The following WDR49 variants were observed in gnomAD, a reference collection of about 807,000 sequenced individuals.
WDR49 encodes cilia- and flagella-associated protein 337.
In WDR49, 107 loss-of-function variants were observed where a neutral mutation model predicts 119.5. That is an observed-to-expected ratio of 0.90 (90% CI 0.77 to 1.05). The LOEUF (loss-of-function observed/expected upper bound fraction) is 1.05. WDR49 is among the 50% of genes least tolerant of loss of function. WDR49 has a pLI of 0.00. For synonymous variants in WDR49, 425 were observed against 418.8 expected (o/e 1.01, Z -0.18); for missense variants, 1,240 against 1,220.5 (o/e 1.02, Z -0.24).
At chr3:167,516,820 G>A (rs1294692840) in intron 16 of WDR49, among the ~76,000 whole-genome samples, 1 of 152,102 alleles carries the variant, frequency 6.6e-6, no homozygotes, top group African/African-American at 2.4e-5. Flanking sequence ...CTACTAATCT[G>A]ACAAAGGGCT....
At chr3:167,538,488 T>TG (rs925223642) in intron 10 of WDR49, among the ~76,000 whole-genome samples, 3 of 152,166 alleles carry the variant, frequency 2.0e-5, no homozygotes, top group Non-Finnish European at 4.4e-5. Flanking sequence ...AACTACCTCA[T>TG]GGTTGACTTA....
chr3:167,628,918 C>T (rs553020287), intron 2 of WDR49, among the ~76,000 whole-genome samples: 1 of 152,148 alleles, frequency 6.6e-6, no homozygotes, highest in South Asian at 2.1e-4. Context: ...TAAGCTGAAA[C>T]CAATGCTCAT....
intron 10 of WDR49, among the ~76,000 whole-genome samples, chr3:167,538,302 A>G (rs1181893192): frequency 6.6e-6 from 1 of 152,152 alleles, no homozygotes; most frequent in African/African-American, 2.4e-5. Context: ...CCTCCATACC[A>G]GCCCTCTGTC....
upstream of WDR49, among the ~76,000 whole-genome samples, chr3:167,656,587 A>G (rs1449756856): frequency 6.6e-6 from 1 of 152,230 alleles, no homozygotes; most frequent in Non-Finnish European, 1.5e-5. Context: ...TCATTAGTCA[A>G]AACAGGAAAG....
chr3:167,620,415 T>C lies in WDR49; in HGVS notation c.958+14A>G, dbSNP rs761321021. 7.2e-6 allele frequency: 11 copies of C among 1,532,130 alleles called. No homozygotes were observed. In the African/African-American group the frequency reaches 1.1e-4, roughly 15 times the overall value. 94.9% of individuals were successfully genotyped at this position (1,532,130 alleles called of 1,614,324 possible). On this transcript the variant is annotated intron_variant, in intron 5 of 18. Coordinates refer to ENST00000682715, the MANE Select transcript of WDR49 (RefSeq NM_001366157.1). Reference sequence around the variant, plus strand: ...AGGTGACCATTTACTTTCATTACTGTTCAAATTCAATACCTTGCCTGACCC... The same window carrying C: ...AGGTGACCATTTACTTTCATTACTGCTCAAATTCAATACCTTGCCTGACCC...
At chr3:167,567,642 G>C (rs1401277499) in intron 8 of WDR49, among the ~76,000 whole-genome samples, 1 of 152,090 alleles carries the variant, frequency 6.6e-6, no homozygotes, top group Admixed American at 6.6e-5. Flanking sequence ...TTTTCATAAA[G>C]TACCAGTACC....
intron 2 of WDR49, among the ~76,000 whole-genome samples, chr3:167,641,062 C>G (rs149096201): frequency 2.6e-5 from 4 of 151,834 alleles, no homozygotes; most frequent in African/African-American, 9.7e-5. Context: ...ATGTGTTAAT[C>G]TGATAGAGAA....
intron 7 of WDR49, among the ~76,000 whole-genome samples, chr3:167,591,820 T>C (rs1461512358): frequency 3.9e-5 from 6 of 152,130 alleles, no homozygotes; most frequent in African/African-American, 1.2e-4. Context: ...CAATAGATAA[T>C]TGGGTCTTGT....
chr3:167,558,396 A>C (rs1033358587), intron 9 of WDR49, among the ~76,000 whole-genome samples: 14 of 152,206 alleles, frequency 9.2e-5, no homozygotes, highest in African/African-American at 3.1e-4. Context: ...AGATTGGAAA[A>C]TGTCATTCAT....
chr3:167,560,687 C>T (rs950661374), intron 8 of WDR49, among the ~76,000 whole-genome samples: 1 of 151,854 alleles, frequency 6.6e-6, no homozygotes, highest in African/African-American at 2.4e-5. Context: ...CAACAAATTA[C>T]TAGAGCTGTG....
chr3:167,570,145 G>A (rs949764700), intron 8 of WDR49, among the ~76,000 whole-genome samples: 1 of 151,940 alleles, frequency 6.6e-6, no homozygotes, highest in Non-Finnish European at 1.5e-5. Context: ...TAACAGAATG[G>A]ATGTCACTTG....
At chr3:167,543,762 T>C (rs181870040) in intron 10 of WDR49, among the ~76,000 whole-genome samples, 148 of 152,076 alleles carry the variant, frequency 9.7e-4, no homozygotes, top group African/African-American at 3.4e-3. Context: ...ACCACGTCTA[T>C]TCAACATAGT....
chr3:167,543,349 G>C (rs758381509), intron 10 of WDR49, among the ~76,000 whole-genome samples: 1 of 151,672 alleles, frequency 6.6e-6, no homozygotes, highest in Non-Finnish European at 1.5e-5. Flanking sequence ...AAAGAAAACT[G>C]CAGACCAATG....
chr3:167,645,263 T>C (rs1169296854), intron 2 of WDR49, among the ~76,000 whole-genome samples: 1 of 152,148 alleles, frequency 6.6e-6, no homozygotes, highest in Admixed American at 6.5e-5. Flanking sequence ...CAGGCTGAAG[T>C]GCAGTGGTGC....
chr3:167,527,692 C>A, intron 15 of WDR49, 128 bp downstream of exon 15: 1 of 990,548 alleles, frequency 1.0e-6, no homozygotes, highest in Non-Finnish European at 1.5e-6. Context: ...GCTACTGCTT[C>A]GGAAATGTTG....
At chr3:167,621,704 C>A in intron 3 of WDR49, 61 bp from the exon 4 acceptor site, 5 of 1,424,538 alleles carry the variant, frequency 3.5e-6, no homozygotes, top group East Asian at 2.5e-5. Context: ...AATTAATATG[C>A]AAAGCAGACA....
rs563631573 is a variant in WDR49, at chr3:167,598,475, C to T, written c.1275+3652G>A. On this transcript the variant is annotated intron_variant, in intron 7 of 18. Transcript: ENST00000682715. ...GATTCGATCATTGGGGCAGTTTCCT[C>T]ATGCTGTTCTCATGATAGTAAGTGA... 7.2e-5 allele frequency among the ~76,000 whole-genome samples: 11 copies of T among 152,232 alleles called. 1 individual carries two copies. In the South Asian group the frequency reaches 2.1e-3, roughly 29 times the overall value.
chr3:167,649,158 TA>T (rs1479493141), intron 2 of WDR49, among the ~76,000 whole-genome samples: 1 of 151,950 alleles, frequency 6.6e-6, no homozygotes, highest in Non-Finnish European at 1.5e-5. Context: ...AAGGAAGATA[TA>T]AGAATAGTTT....
intron 16 of WDR49, 49 bp downstream of exon 16, chr3:167,522,266 T>A (rs1187426813): frequency 1.3e-6 from 2 of 1,501,000 alleles, no homozygotes; most frequent in Non-Finnish European, 8.9e-7. Flanking sequence ...CTTATCTATG[T>A]CTTATCTAGA....
Sources: allele counts gnomAD v4.1 joint callset (sites outside exome capture counted in the v4.1 genomes callset), GRCh38; gene constraint gnomAD v4.1.1; transcripts MANE v1.5; gene names NCBI Gene and HGNC (gene_info 2026-07-23, HGNC 2026-07-21).